Variants in ABCA13 observed in about 807,000 individuals in gnomAD.
ABCA13 encodes ATP-binding cassette sub-family A member 13.
A neutral mutation model predicts 478.7 loss-of-function variants in ABCA13; 476 were observed. The observed-to-expected ratio is 0.99, with a 90% CI of 0.92 to 1.07. ABCA13 has a LOEUF of 1.07. Among genes scored for constraint, ABCA13 ranks in the 50% least tolerant of loss-of-function variants. The pLI, the probability that ABCA13 is intolerant of heterozygous loss-of-function variation, is 0.00. For missense variants in ABCA13, 6,060 were observed against 5,910.6 expected (o/e 1.03, Z -0.83); for synonymous variants, 2,252 against 2,158.9 (o/e 1.04, Z -1.20).
Position 48,293,200 on chromosome 7 carries a change from C to CCG in ABCA13, c.8956-2499_8956-2498insGC, listed in dbSNP as rs1554419754. On this transcript the variant is annotated intron_variant, in intron 20 of 61. Transcript: ENST00000435803. ...TTCCTGAGAAGTCTTCAGCCCCCCC[C>CCG]CCGCCACACACACACTAAATCTACC... Among the ~76,000 whole-genome samples the CCG allele has an allele frequency of 1.5e-5, 2 of 136,538 alleles. 1 individual carries two copies. Among genetic ancestry groups the CCG allele is most frequent in the Non-Finnish European group, 3.3e-5 (2 of 60,014 alleles). 89.6% of individuals were successfully genotyped at this position (136,538 alleles called of 152,430 possible).
rs2129010595 is a variant in ABCA13 at position 48,239,345 on chromosome 7, G to A, written c.1002G>A (p.Lys334=). 6.2e-7 allele frequency: 1 copy of A among 1,613,944 alleles called. No individual in the cohort carries two copies. Among genetic ancestry groups the A allele is most frequent in the Middle Eastern group, 1.6e-4 (1 of 6,062 alleles). The change falls in exon 9 of 62, where the codon AAG becomes AAA. Residue 334 remains lysine (K), a synonymous_variant. Transcript: ENST00000435803. The part of the protein sequence containing the change: ...KWGHVGGCHP[K]WSEAKNYLVH... ...GCCACGTTGGAGGCTGCCACCCTAA[G>A]TGGTCAGAAGCCAAAAACTATCTTG...
intron 42 of ABCA13, among the ~76,000 whole-genome samples, chr7:48,433,452 TATAAG>T (rs1822416436): frequency 6.7e-6 from 1 of 148,954 alleles, no homozygotes; most frequent in Admixed American, 6.7e-5. Context: ...AAATATATAA[TATAAG>T]TACATATATT....
At chr7:48,340,921 T>C (rs1312823625) in intron 29 of ABCA13, among the ~76,000 whole-genome samples, 1 of 152,184 alleles carries the variant, frequency 6.6e-6, no homozygotes, top group Non-Finnish European at 1.5e-5. Flanking sequence ...TTGGGATCGG[T>C]CCTTATATTT....
chr7:48,486,134 G>T (rs1388787363), intron 47 of ABCA13, among the ~76,000 whole-genome samples: 1 of 152,100 alleles, frequency 6.6e-6, no homozygotes, highest in African/African-American at 2.4e-5. Flanking sequence ...GTTGAGATAT[G>T]CTGCTCTCTC....
At chr7:48,441,575 T>C (rs1466175174) in intron 42 of ABCA13, among the ~76,000 whole-genome samples, 2 of 152,218 alleles carry the variant, frequency 1.3e-5, no homozygotes, top group Non-Finnish European at 2.9e-5. Flanking sequence ...AAATGAGTTA[T>C]GAAGACCGAT....
intron 42 of ABCA13, among the ~76,000 whole-genome samples, chr7:48,440,622 TAATGA>T (rs1266528493): frequency 6.6e-6 from 1 of 152,068 alleles, no homozygotes; most frequent in Non-Finnish European, 1.5e-5. Flanking sequence ...AGATCGAATT[TAATGA>T]AACTATGATT....
rs2129013721 is a variant in ABCA13 at position 48,241,014 on chromosome 7, A to C, written c.1210A>C (p.Asn404His). 1.2e-6 allele frequency: 2 copies of C among 1,614,076 alleles called. No homozygotes were observed. Among genetic ancestry groups the C allele is most frequent in the East Asian group, 4.5e-5 (2 of 44,894 alleles). The change falls in exon 10 of 62, where the codon AAT becomes CAT. Residue 404 changes from asparagine (N) to histidine (H), a missense_variant. Asn to His is a moderately conservative substitution (Grantham distance 68, BLOSUM62 1). Around this residue, in one of 3 missense-constraint regions of ABCA13, gnomAD observed 4,423 missense variants for 4,309.1 expected, o/e 1.03. Transcript: ENST00000435803. ...TCTGCACACTGCACTGCTCCTGCTG[A>C]ATGACAGCTTGTCAGCAGATGGCCC... ...EALHTALLLL[N>H]DSLSADGPKD...
intron 15 of ABCA13, among the ~76,000 whole-genome samples, chr7:48,255,426 A>G (rs1793233693): frequency 6.6e-6 from 1 of 152,152 alleles, no homozygotes; most frequent in South Asian, 2.1e-4. Context: ...TGAACATAGT[A>G]TCCAATAGTT....
chr7:48,470,015 C>T (rs925472295), intron 44 of ABCA13, among the ~76,000 whole-genome samples: 7 of 152,092 alleles, frequency 4.6e-5, no homozygotes, highest in African/African-American at 1.7e-4. Flanking sequence ...CCTGAAGGAC[C>T]AAATGACCCT....
At chr7:48,325,077 T>C (rs538109045) in intron 27 of ABCA13, among the ~76,000 whole-genome samples, 6 of 152,316 alleles carry the variant, frequency 3.9e-5, no homozygotes, top group African/African-American at 1.2e-4. Context: ...CTGACAATAG[T>C]TTGCTCTCAA....
intron 1 of ABCA13, among the ~76,000 whole-genome samples, chr7:48,177,489 G>A (rs1300691687): frequency 6.6e-6 from 1 of 152,176 alleles, no homozygotes; most frequent in Non-Finnish European, 1.5e-5. Flanking sequence ...CCACACCCAG[G>A]GGCGCTCCAT....
At chr7:48,439,402 C>A (rs190716509) in intron 42 of ABCA13, among the ~76,000 whole-genome samples, 2 of 152,064 alleles carry the variant, frequency 1.3e-5, no homozygotes, top group Non-Finnish European at 2.9e-5. Flanking sequence ...TCTTTAAATT[C>A]TCTCTTACAT....
In ABCA13 at chr7:48,537,294, C is replaced by A. The variant is rs973877277; in HGVS notation, c.14354+8949C>A. 7.2e-5 allele frequency among the ~76,000 whole-genome samples: 11 copies of A among 152,130 alleles called. No individual in the cohort carries two copies. In the East Asian group the frequency reaches 2.1e-3, roughly 29 times the overall value. On this transcript the variant is annotated intron_variant, in intron 55 of 61. Coordinates refer to ENST00000435803, the MANE Select transcript of ABCA13 (RefSeq NM_152701.5). ...ATAAAAAATCAAATTATGAGGACTA[C>A]CAATATGCTTTTTGTACAGCTTTTA...
rs1197926885 is a variant in ABCA13 at position 48,274,419 on chromosome 7, C to G, written c.4753C>G (p.Pro1585Ala). ...ENLLNIFATS[P>A]KEKDVNSVGN... ...CTTGTTAAACATATTTGCCACCAGTCCAAAAGAAAAGGATGTAAACAGTGT... is the reference window on the plus strand; with the variant it reads ...CTTGTTAAACATATTTGCCACCAGTGCAAAAGAAAAGGATGTAAACAGTGT... Residue 1585 changes from proline to alanine, a missense_variant, in exon 17 of 62, where the codon CCA becomes GCA. This residue lies in a region of ABCA13 where 4,423 missense variants were observed against 4,309.1 expected (regional missense o/e 1.03). Coordinates refer to ENST00000435803, the MANE Select transcript of ABCA13 (RefSeq NM_152701.5). The G allele has an allele frequency of 6.2e-7, 1 of 1,612,932 alleles. No homozygotes were observed.
At chr7:48,220,228 C>T (rs1218183400) in intron 4 of ABCA13, among the ~76,000 whole-genome samples, 16 of 152,086 alleles carry the variant, frequency 1.1e-4, no homozygotes, top group African/African-American at 3.6e-4. Flanking sequence ...AGCCAGTTGC[C>T]TCTCTTCACA....
At chr7:48,535,689 G>A (rs1230065911) in intron 55 of ABCA13, among the ~76,000 whole-genome samples, 2 of 152,102 alleles carry the variant, frequency 1.3e-5, no homozygotes, top group African/African-American at 4.8e-5. Context: ...TGCTGTGGTG[G>A]CAGTGGGGGT....
At chr7:48,491,632 A>C (rs906622702) in intron 48 of ABCA13, among the ~76,000 whole-genome samples, 1 of 152,216 alleles carries the variant, frequency 6.6e-6, no homozygotes, top group African/African-American at 2.4e-5. Flanking sequence ...TTGTTGATGC[A>C]TCATCATGGG....
intron 50 of ABCA13, 56 bp downstream of exon 50, chr7:48,508,105 G>C: frequency 6.2e-7 from 1 of 1,606,494 alleles, no homozygotes. Flanking sequence ...TAAATAGTGC[G>C]TGTATGGAGG....
intron 27 of ABCA13, among the ~76,000 whole-genome samples, chr7:48,330,336 G>T (rs1332921910): frequency 3.6e-5 from 4 of 110,618 alleles, no homozygotes; most frequent in African/African-American, 1.1e-4. Flanking sequence ...CACCCATTCA[G>T]TCATCCACAC....
Sources: allele counts gnomAD v4.1 joint callset (sites outside exome capture counted in the v4.1 genomes callset), GRCh38; gene constraint gnomAD v4.1.1; regional missense constraint gnomAD v4.1.1; transcripts MANE v1.5; gene names NCBI Gene and HGNC (gene_info 2026-07-23, HGNC 2026-07-21).